FAT3: variants seen among roughly 807,000 people sequenced by gnomAD.
The protein encoded by FAT3 is FAT atypical cadherin 3.
Under a neutral mutation model 310.2 loss-of-function variants are expected in FAT3, and 95 were observed. The ratio of observed to expected loss-of-function variants is 0.31; its 90% CI spans 0.26 to 0.36. The LOEUF is 0.36. Ranked by LOEUF, FAT3 falls within the 10% of genes least tolerant of loss-of-function variation. The probability of loss-of-function intolerance (pLI) is 1.00; values close to 1 mark genes in which losing one functional copy is unlikely to be tolerated. For synonymous variants in FAT3, 2,314 were observed against 2,192.9 expected, an observed-to-expected ratio of 1.06 and a Z score of -1.54; for missense variants, 5,408 against 5,715.6, an observed-to-expected ratio of 0.95 and a Z score of 1.74.
intron 12 of FAT3, among the ~76,000 whole-genome samples, chr11:92,807,868 G>A (rs985576353): frequency 6.6e-6 from 1 of 152,160 alleles, no homozygotes; most frequent in African/African-American, 2.4e-5. Context: ...TAGTTTTGTA[G>A]ATTAGATGAC....
chr11:92,231,592 A>G (rs925837300), intron 1 of FAT3, among the ~76,000 whole-genome samples: 1 of 152,196 alleles, frequency 6.6e-6, no homozygotes, highest in Non-Finnish European at 1.5e-5. Flanking sequence ...AACAATCTGA[A>G]AAAAATTGTA....
Position 92,883,486 on chromosome 11 carries a change from C to T in FAT3, c.12937+93C>T. On this transcript the variant is annotated intron_variant, in intron 24 of 27. Transcript: ENST00000525166. The surrounding 1 kb of genome is among the most constrained non-coding windows in gnomAD (Gnocchi z 4.2). ...ACGCTACGGGAAGGGAGAGAGACCCCGCATGCAGAGCATTCGCTATGACAT... is the reference window on the plus strand; with the variant it reads ...ACGCTACGGGAAGGGAGAGAGACCCTGCATGCAGAGCATTCGCTATGACAT... 6.9e-7 allele frequency: 1 copy of T among 1,443,250 alleles called. No individual in the cohort carries two copies. Among genetic ancestry groups the T allele is most frequent in the Non-Finnish European group, 9.3e-7 (1 of 1,077,208 alleles). The allele number at this position is 1,443,250 out of a possible 1,614,324, so 89.4% of individuals were successfully genotyped here. A position where few individuals can be genotyped will look rare whatever the true frequency, so the allele number is the denominator to read the frequency against.
intron 1 of FAT3, among the ~76,000 whole-genome samples, chr11:92,282,661 A>C (rs201339221): frequency 0.55 from 80,771 of 148,084 alleles, 21,665 homozygotes; most frequent in Non-Finnish European, 0.57. Context: ...AAAAAATAAA[A>C]AAAAAAAAAA....
intron 2 of FAT3, among the ~76,000 whole-genome samples, chr11:92,388,098 A>C (rs1277457866): frequency 6.6e-6 from 1 of 152,180 alleles, no homozygotes; most frequent in Non-Finnish European, 1.5e-5. Flanking sequence ...AGCACTGACT[A>C]TCATTTTTTA....
At chr11:92,564,755 T>C (rs1167364791) in intron 3 of FAT3, among the ~76,000 whole-genome samples, 1 of 149,680 alleles carries the variant, frequency 6.7e-6, no homozygotes, top group East Asian at 2.0e-4. Context: ...CTCAACTACA[T>C]GGAAACTGAA....
intron 2 of FAT3, among the ~76,000 whole-genome samples, chr11:92,479,485 A>G (rs910304339): frequency 1.3e-5 from 2 of 152,206 alleles, no homozygotes; most frequent in African/African-American, 4.8e-5. Context: ...GGGTGTAGGA[A>G]CTAAAATTAA....
chr11:92,564,584 AT>A (rs578049428), intron 3 of FAT3, among the ~76,000 whole-genome samples: 2 of 152,044 alleles, frequency 1.3e-5, no homozygotes, highest in East Asian at 1.9e-4. Flanking sequence ...CAGAATATAC[AT>A]TTTTTTCAGC....
intron 2 of FAT3, among the ~76,000 whole-genome samples, chr11:92,499,723 A>ATG (rs61267708): frequency 0.014 from 1,819 of 127,802 alleles, 16 homozygotes; most frequent in South Asian, 0.017. Flanking sequence ...ATGTGTGTGT[A>ATG]TGTGTGTGTG....
intron 3 of FAT3, among the ~76,000 whole-genome samples, chr11:92,650,645 A>T (rs1457866227): frequency 6.6e-6 from 1 of 152,120 alleles, no homozygotes; most frequent in Non-Finnish European, 1.5e-5. Flanking sequence ...TACCAAAGTG[A>T]AGTCATTGAA....
chr11:92,600,725 A>G (rs1241242302), intron 3 of FAT3, among the ~76,000 whole-genome samples: 1 of 152,204 alleles, frequency 6.6e-6, no homozygotes. Flanking sequence ...AAATTTTAAA[A>G]AGAAATAATA....
chr11:92,611,093 A>C (rs1315955116), intron 3 of FAT3, among the ~76,000 whole-genome samples: 1 of 152,124 alleles, frequency 6.6e-6, no homozygotes, highest in Non-Finnish European at 1.5e-5. Context: ...AAACAGCCAT[A>C]CAAGAAGATT....
At chr11:92,835,193 T>A (rs149433575) in intron 15 of FAT3, 109 bp downstream of exon 15, 1 of 854,090 alleles carries the variant, frequency 1.2e-6, no homozygotes, top group Non-Finnish European at 1.8e-6. Context: ...CTTCCCCCTT[T>A]CAGTGTCCAT....
chr11:92,773,383 A>T (rs1946508563), intron 6 of FAT3, among the ~76,000 whole-genome samples: 1 of 152,130 alleles, frequency 6.6e-6, no homozygotes, highest in Non-Finnish European at 1.5e-5. Context: ...TCCCAATTTT[A>T]TTTTGTGACT....
chr11:92,707,335 G>A (rs569582625), intron 4 of FAT3, among the ~76,000 whole-genome samples: 1 of 152,298 alleles, frequency 6.6e-6, no homozygotes, highest in African/African-American at 2.4e-5. Flanking sequence ...GTCACAGCTT[G>A]TTGAGCTGTG....
chr11:92,584,190 T>C (rs545659797), intron 3 of FAT3, among the ~76,000 whole-genome samples: 5 of 152,146 alleles, frequency 3.3e-5, no homozygotes, highest in African/African-American at 1.2e-4. Context: ...ACCTGTTATA[T>C]GTGTTTGAGA....
intron 1 of FAT3, among the ~76,000 whole-genome samples, chr11:92,334,955 A>G (rs1225416127): frequency 1.3e-5 from 2 of 152,336 alleles, no homozygotes; most frequent in East Asian, 3.9e-4. Flanking sequence ...ATTCTTATCC[A>G]GAAGGGACTG....
At chr11:92,518,384 C>G (rs1953563271) in intron 2 of FAT3, among the ~76,000 whole-genome samples, 1 of 152,012 alleles carries the variant, frequency 6.6e-6, no homozygotes, top group African/African-American at 2.4e-5. Context: ...AAGCTGGAAA[C>G]CATCATTCTC....
At position 92,844,471 on chromosome 11, in the gene FAT3, C is replaced by T. The variant is rs766352233; in HGVS notation, c.11104C>T (p.Leu3702=). The T allele has an allele frequency of 3.8e-5, 62 of 1,613,970 alleles. No individual in the cohort carries two copies. The South Asian group carries it at 5.1e-4, about 13-fold the overall frequency. Reference sequence around the variant, plus strand: ...GGCAGGCACCAACCAACTGGACATGCTGTTTGCGGTGGAGATGCACAGCAG... The same window carrying T: ...GGCAGGCACCAACCAACTGGACATGTTGTTTGCGGTGGAGATGCACAGCAG... The part of the protein sequence containing the change: ...PVAGTNQLDM[L]FAVEMHSSEF... Residue 3702 remains leucine (L), a synonymous_variant, in exon 19 of 28, where the codon CTG becomes TTG. Coordinates refer to ENST00000525166, the MANE Select transcript of FAT3 (RefSeq NM_001367949.2).
intron 1 of FAT3, among the ~76,000 whole-genome samples, chr11:92,313,880 G>C (rs80032134): frequency 0.033 from 5,036 of 152,246 alleles, 243 homozygotes; most frequent in African/African-American, 0.1. Context: ...TTTCCAGTAA[G>C]CCACTTGGTT....
Sources: allele counts gnomAD v4.1 joint callset (sites outside exome capture counted in the v4.1 genomes callset), GRCh38; gene constraint gnomAD v4.1.1; non-coding constraint Gnocchi (gnomAD v3.1); transcripts MANE v1.5; gene names NCBI Gene and HGNC (gene_info 2026-07-23, HGNC 2026-07-21).